The following BMAL1 variants were observed in gnomAD, a reference collection of about 807,000 sequenced individuals.
BMAL1 encodes basic helix-loop-helix ARNT like 1.
the BMAL1 span, among the ~76,000 whole-genome samples, chr11:13,384,171 G>T: frequency 2.6e-5 from 4 of 152,052 alleles, no homozygotes; most frequent in Non-Finnish European, 4.4e-5. Flanking sequence ...ACTGACATTT[G>T]TTGCCAATGA....
chr11:13,323,674 T>C, the BMAL1 span, among the ~76,000 whole-genome samples: 45 of 152,328 alleles, frequency 3.0e-4, no homozygotes, highest in Non-Finnish European at 5.7e-4. Context: ...TGGAGTGCAA[T>C]GGTATCATCT....
the BMAL1 span, among the ~76,000 whole-genome samples, chr11:13,292,063 T>C: frequency 1.3e-5 from 2 of 152,226 alleles, no homozygotes; most frequent in Admixed American, 6.5e-5. Context: ...AGAAGAGCTC[T>C]GGTTGTGGTT....
At chr11:13,385,256 T>G in the BMAL1 span, among the ~76,000 whole-genome samples, 5 of 152,344 alleles carry the variant, frequency 3.3e-5, no homozygotes, top group South Asian at 1.0e-3. Context: ...TTCTGTTTTC[T>G]TCATTTGACT....
chr11:13,376,342 G>A, the BMAL1 span, among the ~76,000 whole-genome samples: 3 of 152,228 alleles, frequency 2.0e-5, no homozygotes, highest in South Asian at 2.1e-4. Context: ...GGGGCTAGGT[G>A]CACTGCAGGC....
At chr11:13,325,657 TTGTG>T in the BMAL1 span, among the ~76,000 whole-genome samples, 53 of 134,412 alleles carry the variant, frequency 3.9e-4, 1 homozygote, top group African/African-American at 1.2e-3. Flanking sequence ...TTGAGACCTT[TTGTG>T]TGTGTGTGTG....
chr11:13,383,698 A>C, the BMAL1 span, among the ~76,000 whole-genome samples: 1 of 151,612 alleles, frequency 6.6e-6, no homozygotes, highest in Admixed American at 6.6e-5. Flanking sequence ...AAAAATACAA[A>C]AAAAATTATC....
At chr11:13,312,996 G>A in the BMAL1 span, among the ~76,000 whole-genome samples, 1 of 152,350 alleles carries the variant, frequency 6.6e-6, no homozygotes, top group Admixed American at 6.5e-5. Flanking sequence ...GGAAGGGCCT[G>A]TCCAAGAAGT....
At chr11:13,334,119 T>C in the BMAL1 span, among the ~76,000 whole-genome samples, 1 of 152,126 alleles carries the variant, frequency 6.6e-6, no homozygotes, top group South Asian at 2.1e-4. Context: ...CATCCTCATT[T>C]TACCAATGAG....
the BMAL1 span, among the ~76,000 whole-genome samples, chr11:13,349,321 T>C: frequency 6.6e-6 from 1 of 152,246 alleles, no homozygotes. Context: ...TTGTTTTTCA[T>C]TGTTCTTGTT....
the BMAL1 span, among the ~76,000 whole-genome samples, chr11:13,319,483 G>A: frequency 6.6e-6 from 1 of 152,160 alleles, no homozygotes; most frequent in East Asian, 1.9e-4. Context: ...TTATGGCTTT[G>A]CTAATCTAGT....
the BMAL1 span, chr11:13,373,975 CT>C: frequency 1.3e-6 from 1 of 784,262 alleles, no homozygotes; most frequent in Non-Finnish European, 2.1e-6. Flanking sequence ...CCATCCAGCT[CT>C]TTTGCCTGCA....
At chr11:13,289,887 G>A in the BMAL1 span, among the ~76,000 whole-genome samples, 1 of 152,048 alleles carries the variant, frequency 6.6e-6, no homozygotes, top group Non-Finnish European at 1.5e-5. Context: ...TAATCCTTTG[G>A]GTATATACCC....
chr11:13,357,011 TC>T, the BMAL1 span: 1 of 1,613,820 alleles, frequency 6.2e-7, no homozygotes, highest in Admixed American at 1.7e-5. This position sits in a 1 kb window ranked among gnomAD's most constrained non-coding sequence, Gnocchi z 4.8. Flanking sequence ...GCCATTCATC[TC>T]CAGAGAATTA....
At chr11:13,386,476 A>T in the BMAL1 span, 1 of 1,064,940 alleles carries the variant, frequency 9.4e-7, no homozygotes, top group Non-Finnish European at 1.3e-6. Context: ...CCCAAAAAGC[A>T]GCATCTCACC....
chr11:13,380,943 C>T, the BMAL1 span: 24 of 519,926 alleles, frequency 4.6e-5, no homozygotes, highest in Non-Finnish European at 7.2e-5. Context: ...ACAGCCACAC[C>T]GATTCGTATC....
the BMAL1 span, among the ~76,000 whole-genome samples, chr11:13,383,496 T>TA: frequency 2.4e-4 from 37 of 152,326 alleles, no homozygotes; most frequent in East Asian, 6.9e-3. Context: ...GTAGTCATTG[T>TA]ATTCTTCACC....
At chr11:13,356,453 C>A in the BMAL1 span, 1 of 577,070 alleles carries the variant, frequency 1.7e-6, no homozygotes, top group Non-Finnish European at 3.1e-6. Context: ...CTACATATTC[C>A]CAATTTTCAA....
the BMAL1 span, among the ~76,000 whole-genome samples, chr11:13,295,098 A>G: frequency 1.8e-4 from 28 of 152,130 alleles, no homozygotes; most frequent in Non-Finnish European, 3.2e-4. Context: ...GCACTGGGCC[A>G]TCTGTCCAGC....
the BMAL1 span, chr11:13,276,778 C>T: frequency 6.6e-6 from 1 of 152,248 alleles, no homozygotes; most frequent in Non-Finnish European, 1.5e-5. Flanking sequence ...AGGCCCTCTA[C>T]AAAGTGCCTG....
Sources: allele counts gnomAD v4.1 joint callset (sites outside exome capture counted in the v4.1 genomes callset), GRCh38; gene constraint gnomAD v4.1.1; non-coding constraint Gnocchi (gnomAD v3.1); transcripts MANE v1.5; gene names NCBI Gene and HGNC (gene_info 2026-07-23, HGNC 2026-07-21).